PXDNL: variants seen among roughly 807,000 people sequenced by gnomAD.
The protein encoded by PXDNL is probable oxidoreductase PXDNL.
In PXDNL, 145 loss-of-function variants were observed where a neutral mutation model predicts 150.8. The ratio of observed to expected loss-of-function variants is 0.96; its 90% CI spans 0.84 to 1.10. The LOEUF is 1.10. Ranked by LOEUF, PXDNL falls within the 50% of genes least tolerant of loss-of-function variation. PXDNL has a pLI of 0.00. For synonymous variants in PXDNL, 757 were observed against 725.7 expected (o/e 1.04, Z -0.69); for missense variants, 2,087 against 1,873.9 (o/e 1.11, Z -2.10).
At chr8:51,790,680 C>T (rs2037503338) in intron 1 of PXDNL, among the ~76,000 whole-genome samples, 1 of 151,154 alleles carries the variant, frequency 6.6e-6, no homozygotes, top group South Asian at 2.1e-4. Flanking sequence ...GAGGGAAGGG[C>T]CTGGAGGCGG....
At chr8:51,796,017 A>G (rs2037556663) in intron 1 of PXDNL, among the ~76,000 whole-genome samples, 1 of 152,220 alleles carries the variant, frequency 6.6e-6, no homozygotes, top group African/African-American at 2.4e-5. Context: ...ACTCACTTTA[A>G]GCTATTTACT....
intron 4 of PXDNL, among the ~76,000 whole-genome samples, chr8:51,509,996 C>T (rs1811378864): frequency 6.6e-6 from 1 of 151,942 alleles, no homozygotes; most frequent in Non-Finnish European, 1.5e-5. Flanking sequence ...AGAGTTTTGG[C>T]ATGCAAAAGA....
At chr8:51,761,215 G>C (rs1423382055) in intron 1 of PXDNL, among the ~76,000 whole-genome samples, 3 of 151,854 alleles carry the variant, frequency 2.0e-5, no homozygotes, top group Non-Finnish European at 4.4e-5. Context: ...AACTGAATGA[G>C]AGGCATTACT....
At chr8:51,700,939 A>G (rs982558747) in intron 1 of PXDNL, among the ~76,000 whole-genome samples, 1 of 151,936 alleles carries the variant, frequency 6.6e-6, no homozygotes, top group African/African-American at 2.4e-5. Context: ...TACACAATAT[A>G]CACACATATA....
intron 12 of PXDNL, among the ~76,000 whole-genome samples, chr8:51,440,393 A>G (rs1455389682): frequency 2.0e-5 from 3 of 152,128 alleles, no homozygotes; most frequent in Non-Finnish European, 4.4e-5. Context: ...TTATTCATGT[A>G]ACCAAACACC....
At chr8:51,808,077 T>C (rs1473885559) in intron 1 of PXDNL, among the ~76,000 whole-genome samples, 1 of 152,258 alleles carries the variant, frequency 6.6e-6, no homozygotes, top group Admixed American at 6.5e-5. Context: ...ATATGTCATT[T>C]TCTATGTAAA....
At chr8:51,542,878 A>T (rs1403407306) in intron 4 of PXDNL, among the ~76,000 whole-genome samples, 1 of 152,152 alleles carries the variant, frequency 6.6e-6, no homozygotes, top group Non-Finnish European at 1.5e-5. Flanking sequence ...AACAAAGGCC[A>T]AAAGAATTAA....
intron 3 of PXDNL, among the ~76,000 whole-genome samples, chr8:51,560,031 T>A (rs1365476640): frequency 6.6e-6 from 1 of 151,652 alleles, no homozygotes; most frequent in African/African-American, 2.4e-5. Context: ...AAATAAAAAA[T>A]CAAAAAGATA....
chr8:51,745,358 T>C (rs1458410079), intron 1 of PXDNL, among the ~76,000 whole-genome samples: 1 of 152,074 alleles, frequency 6.6e-6, no homozygotes, highest in Non-Finnish European at 1.5e-5. Flanking sequence ...AGAAAGTCAA[T>C]CCAACAAACA....
chr8:51,616,628 A>G (rs186108742), intron 2 of PXDNL, among the ~76,000 whole-genome samples: 4 of 152,294 alleles, frequency 2.6e-5, no homozygotes, highest in East Asian at 3.9e-4. Context: ...CATATAACCT[A>G]CATGTGTATA....
At chr8:51,424,230 A>G (rs924184498) in intron 13 of PXDNL, among the ~76,000 whole-genome samples, 2 of 152,032 alleles carry the variant, frequency 1.3e-5, no homozygotes, top group Admixed American at 6.6e-5. Context: ...TCAGCCAGGC[A>G]TGGTAGTGTG....
intron 1 of PXDNL, among the ~76,000 whole-genome samples, chr8:51,666,244 C>T (rs889353247): frequency 2.0e-5 from 3 of 152,108 alleles, no homozygotes; most frequent in Non-Finnish European, 4.4e-5. Flanking sequence ...TTGATCTTCC[C>T]CTTTCTCTTT....
At chr8:51,789,760 C>T (rs1181470919) in intron 1 of PXDNL, among the ~76,000 whole-genome samples, 2 of 152,022 alleles carry the variant, frequency 1.3e-5, no homozygotes, top group South Asian at 2.1e-4. Flanking sequence ...ATAAAATCCA[C>T]CCAAGGAGTA....
intron 4 of PXDNL, among the ~76,000 whole-genome samples, chr8:51,504,845 T>C (rs1490172115): frequency 6.6e-6 from 1 of 152,252 alleles, no homozygotes; most frequent in Non-Finnish European, 1.5e-5. Context: ...TCATATGTTC[T>C]ATGGTATAAA....
At chr8:51,638,299 C>T in intron 2 of PXDNL, among the ~76,000 whole-genome samples, 1 of 151,978 alleles carries the variant, frequency 6.6e-6, no homozygotes. Context: ...CAACTAACGA[C>T]CAAAATAACC....
intron 1 of PXDNL, among the ~76,000 whole-genome samples, chr8:51,704,834 A>G (rs1163703006): frequency 1.3e-5 from 2 of 152,008 alleles, no homozygotes; most frequent in Non-Finnish European, 2.9e-5. Context: ...TTTCATTCTT[A>G]TTGATTTCTA....
intron 21 of PXDNL, among the ~76,000 whole-genome samples, chr8:51,327,910 A>C (rs1383437346): frequency 6.6e-6 from 1 of 152,254 alleles, no homozygotes; most frequent in Non-Finnish European, 1.5e-5. Flanking sequence ...GCAGCAACCA[A>C]GATCTGCTTA....
intron 1 of PXDNL, among the ~76,000 whole-genome samples, chr8:51,746,873 C>T (rs2036989275): frequency 6.6e-6 from 1 of 151,858 alleles, no homozygotes; most frequent in Non-Finnish European, 1.5e-5. Context: ...AGGTGCACGC[C>T]ACCACACCCA....
At position 51,474,973 on chromosome 8, in the gene PXDNL, G is replaced by A. The variant is rs775076123; in HGVS notation, c.693C>T (p.Cys231=). Reference sequence around the variant, plus strand: ...ATGTACACATTGAAATTTACGTACGGCAATTGAATTCCTCTACTGTTACTG... The same window carrying A: ...ATGTACACATTGAAATTTACGTACGACAATTGAATTCCTCTACTGTTACTG... ...VASVTVEEFN[C]QSPRITFEPQ... The change falls in exon 7 of 23, where the codon TGC becomes TGT. Residue 231 remains cysteine (C), a splice_region_variant and synonymous_variant. Coordinates refer to ENST00000356297, the MANE Select transcript of PXDNL (RefSeq NM_144651.5). 21 of 1,587,938 alleles carry A rather than the reference G, an allele frequency of 1.3e-5. No individual in the cohort carries two copies. Among genetic ancestry groups the A allele is most frequent in the Non-Finnish European group, 1.8e-5 (21 of 1,166,178 alleles).
Sources: allele counts gnomAD v4.1 joint callset (sites outside exome capture counted in the v4.1 genomes callset), GRCh38; gene constraint gnomAD v4.1.1; transcripts MANE v1.5; gene names NCBI Gene and HGNC (gene_info 2026-07-23, HGNC 2026-07-21).